The following LRBA variants were observed in gnomAD, a reference collection of about 807,000 sequenced individuals.
The protein encoded by LRBA is lipopolysaccharide-responsive and beige-like anchor protein.
Under a neutral mutation model 330.0 loss-of-function variants are expected in LRBA, and 176 were observed. The ratio of observed to expected loss-of-function variants is 0.53; its 90% CI spans 0.47 to 0.60. The LOEUF is 0.60. Among genes scored for constraint, LRBA ranks in the 20% least tolerant of loss-of-function variants. The probability of loss-of-function intolerance (pLI) is 0.00; values close to 1 mark genes in which losing one functional copy is unlikely to be tolerated. For synonymous variants in LRBA, 1,230 were observed against 1,193.0 expected (o/e 1.03, Z -0.64); for missense variants, 3,259 against 3,444.8 (o/e 0.95, Z 1.35).
At chr4:150,611,369 G>A (rs1487231962) in intron 37 of LRBA, among the ~76,000 whole-genome samples, 1 of 152,066 alleles carries the variant, frequency 6.6e-6, no homozygotes, top group Non-Finnish European at 1.5e-5. Flanking sequence ...CAGTTACTAA[G>A]AAATAGCGCT....
At chr4:150,523,613 C>T (rs1763153654) in intron 40 of LRBA, among the ~76,000 whole-genome samples, 1 of 152,070 alleles carries the variant, frequency 6.6e-6, no homozygotes. Context: ...TATATGAGAT[C>T]CAGATGATAT....
At chr4:150,412,688 T>C in intron 47 of LRBA, among the ~76,000 whole-genome samples, 1 of 152,046 alleles carries the variant, frequency 6.6e-6, no homozygotes, top group East Asian at 1.9e-4. Context: ...TTATTAATAA[T>C]ACTAACTATG....
At chr4:150,633,150 AGTTATTAGCTAT>A (rs1178223131) in intron 37 of LRBA, among the ~76,000 whole-genome samples, 1 of 152,236 alleles carries the variant, frequency 6.6e-6, no homozygotes, top group Non-Finnish European at 1.5e-5. Context: ...TGGGTTTGCC[AGTTATTAGCTAT>A]GTTATTAGCT....
chr4:150,825,706 T>G (rs114181182), intron 30 of LRBA, among the ~76,000 whole-genome samples: 64 of 152,284 alleles, frequency 4.2e-4, no homozygotes, highest in Non-Finnish European at 8.2e-4. Context: ...CATATATTTT[T>G]CATCATGTTT....
intron 36 of LRBA, among the ~76,000 whole-genome samples, chr4:150,706,149 TAAG>T (rs1232849745): frequency 6.6e-6 from 1 of 151,548 alleles, no homozygotes. Flanking sequence ...AAAAGGGCAA[TAAG>T]AAGGAGGAAG....
chr4:150,774,449 A>T (rs1179798412), intron 34 of LRBA, among the ~76,000 whole-genome samples: 1 of 152,166 alleles, frequency 6.6e-6, no homozygotes, highest in Non-Finnish European at 1.5e-5. Context: ...CTCGATGTTA[A>T]AATGTTACTT....
At chr4:150,830,516 T>C (rs1215573323) in intron 29 of LRBA, among the ~76,000 whole-genome samples, 1 of 152,162 alleles carries the variant, frequency 6.6e-6, no homozygotes, top group Non-Finnish European at 1.5e-5. Flanking sequence ...AGGCACTATA[T>C]ATACTATTAG....
intron 40 of LRBA, among the ~76,000 whole-genome samples, chr4:150,559,827 TATAAA>T: frequency 1.6e-5 from 1 of 60,676 alleles, no homozygotes; most frequent in Non-Finnish European, 3.1e-5. Flanking sequence ...TATATAATAA[TATAAA>T]ATATAATATA....
At chr4:150,720,144 T>A (rs926793266) in intron 36 of LRBA, among the ~76,000 whole-genome samples, 1 of 152,110 alleles carries the variant, frequency 6.6e-6, no homozygotes, top group African/African-American at 2.4e-5. Context: ...TATCCTGTTG[T>A]CTAAGCCAAC....
intron 14 of LRBA, among the ~76,000 whole-genome samples, chr4:150,898,271 G>A (rs1326926704): frequency 6.6e-6 from 1 of 151,960 alleles, no homozygotes; most frequent in Admixed American, 6.6e-5. Context: ...CATTATATAA[G>A]CTAATACAGA....
chr4:150,853,952 C>T (rs1750926398), intron 22 of LRBA, among the ~76,000 whole-genome samples: 2 of 151,870 alleles, frequency 1.3e-5, no homozygotes, highest in Admixed American at 1.3e-4. Flanking sequence ...CTTTATTGAG[C>T]CATAGTATAA....
intron 2 of LRBA, among the ~76,000 whole-genome samples, chr4:150,982,811 T>C (rs1226053356): frequency 6.6e-6 from 1 of 152,168 alleles, no homozygotes; most frequent in Non-Finnish European, 1.5e-5. Flanking sequence ...AGACTATGAA[T>C]GTAATGGAAC....
intron 56 of LRBA, among the ~76,000 whole-genome samples, chr4:150,271,326 T>C (rs1338288844): frequency 1.3e-5 from 2 of 151,698 alleles, no homozygotes; most frequent in Non-Finnish European, 2.9e-5. Context: ...TTTTTTTTTT[T>C]TTCATACCCC....
rs1160592075 is a variant in LRBA, at chr4:150,339,197, T to C, written c.7362+10795A>G. ...ATGTTAAAAAGTATGAAAACTCCCA[T>C]AGCTCAGTGGATTAAATAACATATA... On this transcript the variant is annotated intron_variant, in intron 48 of 56. Transcript: ENST00000651943. Among the ~76,000 whole-genome samples the C allele has an allele frequency of 3.3e-5, 5 of 152,258 alleles. No homozygotes were observed. In the East Asian group the frequency reaches 9.6e-4, roughly 29 times the overall value.
chr4:150,931,981 G>A (rs1217904814), intron 2 of LRBA, among the ~76,000 whole-genome samples: 3 of 152,050 alleles, frequency 2.0e-5, no homozygotes, highest in Admixed American at 6.6e-5. Context: ...AGACCAAGGC[G>A]GGAGAGTCAT....
intron 37 of LRBA, among the ~76,000 whole-genome samples, chr4:150,681,054 C>T (rs1026020468): frequency 6.6e-6 from 1 of 152,120 alleles, no homozygotes; most frequent in Non-Finnish European, 1.5e-5. Flanking sequence ...AGACAAAATG[C>T]TACTATAATT....
At position 150,626,671 on chromosome 4, in the gene LRBA, A is replaced by G. The variant is rs536581446; in HGVS notation, c.5922-27540T>C. ...GCACTAGACTTTAGAAATTAAATAC[A>G]TATGTAAAGAAGTATTCATTTAAAA... On this transcript the variant is annotated intron_variant, in intron 37 of 56. Transcript: ENST00000651943. Among the ~76,000 whole-genome samples, 243 of 152,268 alleles carry G rather than the reference A, an allele frequency of 1.6e-3. 1 individual carries two copies. Among genetic ancestry groups the G allele is most frequent in the Non-Finnish European group, 2.9e-3 (200 of 67,976 alleles).
intron 13 of LRBA, among the ~76,000 whole-genome samples, chr4:150,900,744 T>C (rs1730627279): frequency 6.6e-6 from 1 of 152,014 alleles, no homozygotes; most frequent in Non-Finnish European, 1.5e-5. Context: ...TTGAAGAATA[T>C]TAGAAAAACA....
rs185871514 is a variant in LRBA, at chr4:150,570,798, T to C, written c.6330+17250A>G. On this transcript the variant is annotated intron_variant, in intron 40 of 56. Coordinates refer to ENST00000651943, the MANE Select transcript of LRBA (RefSeq NM_001364905.1). ...TCTTATTAACATTCCTTGGTTTCGT[T>C]ACCTTTTAATTAAAAAATATTACCT... is the stretch of plus-strand genomic sequence containing the variant. Among the ~76,000 whole-genome samples, 534 of 152,236 alleles carry C rather than the reference T, an allele frequency of 3.5e-3. 2 individuals are homozygous for C. Among genetic ancestry groups the C allele is most frequent in the Middle Eastern group, 0.014 (4 of 294 alleles).
Sources: gnomAD v4.1 joint callset for allele counts (sites outside exome capture counted in the v4.1 genomes callset) on GRCh38, gnomAD v4.1.1 for gene constraint, MANE v1.5 for transcripts, NCBI Gene and HGNC (gene_info 2026-07-23, HGNC 2026-07-21) for gene names.